KIAA1614: variants seen among roughly 807,000 people sequenced by gnomAD.
KIAA1614 encodes uncharacterized protein KIAA1614.
A neutral mutation model predicts 88.7 loss-of-function variants in KIAA1614; 76 were observed. That is an observed-to-expected ratio of 0.86 (90% confidence interval 0.71 to 1.04). The LOEUF (loss-of-function observed/expected upper bound fraction) is 1.04. KIAA1614 is among the 50% of genes least tolerant of loss of function. KIAA1614 has a pLI of 0.00. For synonymous variants in KIAA1614, 714 were observed against 675.5 expected (o/e 1.06, Z -0.88); for missense variants, 1,553 against 1,582.5 (o/e 0.98, Z 0.32).
chr1:180,942,818 G>C (rs1184626983), intron 7 of KIAA1614, among the ~76,000 whole-genome samples: 1 of 152,186 alleles, frequency 6.6e-6, no homozygotes, highest in Non-Finnish European at 1.5e-5. Context: ...GAGATAGGAA[G>C]TCGACTGGGC....
Position 180,916,384 on chromosome 1 carries a change from T to C in KIAA1614, c.281T>C (p.Met94Thr), listed in dbSNP as rs760082566. Residue 94 changes from methionine (M) to threonine (T), a missense_variant, in exon 2 of 9, where the codon ATG becomes ACG. By Grantham distance (81) the Met-to-Thr change is moderately conservative (BLOSUM62 -1). Transcript: ENST00000367588. ...ESKVRALKEK[M>T]TVAKQGVSPC... is the part of the protein sequence containing the mutation. ...AAGGTGAGGGCTTTGAAGGAGAAGA[T>C]GACAGTGGCCAAACAGGGAGTGAGT... 4 of 1,614,022 alleles carry C rather than the reference T, an allele frequency of 2.5e-6. No individual in the cohort carries two copies. Among genetic ancestry groups the C allele is most frequent in the Non-Finnish European group, 3.4e-6 (4 of 1,180,024 alleles).
rs943218655 is a variant in KIAA1614, at chr1:180,916,829, C to A, written c.726C>A (p.Tyr242Ter). ...HIPSPRTGRS[Y>*]PFPDGVVTEA... ...CCAGCCCAAGGACAGGAAGGTCCTACCCTTTTCCAGATGGCGTGGTGACAG... is the reference window on the plus strand; with the variant it reads ...CCAGCCCAAGGACAGGAAGGTCCTAACCTTTTCCAGATGGCGTGGTGACAG... Residue 242 changes from tyrosine to a stop codon, truncating the protein, a stop_gained, in exon 2 of 9, where the codon TAC becomes TAA. Coordinates refer to ENST00000367588, the MANE Select transcript of KIAA1614 (RefSeq NM_020950.2). LOFTEE classifies it high-confidence loss of function. The A allele has an allele frequency of 6.2e-7, 1 of 1,614,118 alleles. No individual in the cohort carries two copies.
At chr1:180,940,836 C>G (rs1029010617) in intron 6 of KIAA1614, among the ~76,000 whole-genome samples, 1 of 152,032 alleles carries the variant, frequency 6.6e-6, no homozygotes, top group Non-Finnish European at 1.5e-5. Context: ...CTCCATCTCC[C>G]GAGTAGCTGG....
chr1:180,922,944 G>A (rs1438443999), intron 3 of KIAA1614, among the ~76,000 whole-genome samples: 1 of 152,204 alleles, frequency 6.6e-6, no homozygotes, highest in Non-Finnish European at 1.5e-5. Flanking sequence ...CTATAAATCG[G>A]GGTTCCCACT....
At chr1:180,930,395 G>A (rs1418694496) in intron 4 of KIAA1614, among the ~76,000 whole-genome samples, 2 of 151,956 alleles carry the variant, frequency 1.3e-5, no homozygotes, top group African/African-American at 4.8e-5. Context: ...CTCCAGCCTG[G>A]GCGACAGAGC....
At chr1:180,927,346 CA>C (rs1434308869) in intron 3 of KIAA1614, among the ~76,000 whole-genome samples, 3 of 152,216 alleles carry the variant, frequency 2.0e-5, no homozygotes, top group Non-Finnish European at 4.4e-5. Context: ...CCCCCAGCCA[CA>C]AACATCCTCT....
chr1:180,944,129 G>A (rs1399419673), intron 7 of KIAA1614: 4 of 243,442 alleles, frequency 1.6e-5, no homozygotes, highest in Non-Finnish European at 3.2e-5. Context: ...CTTAATCAAT[G>A]AGGAAATTAG....
chr1:180,941,423 TC>T, intron 7 of KIAA1614, 138 bp downstream of exon 7: 1 of 1,064,832 alleles, frequency 9.4e-7, no homozygotes, highest in Non-Finnish European at 1.3e-6. Context: ...GCTGCTGGCA[TC>T]CCCATGGTTG....
At position 180,916,807 on chromosome 1, in the gene KIAA1614, G is replaced by A; in HGVS notation, c.704G>A (p.Ser235Asn). The A allele has an allele frequency of 6.2e-7, 1 of 1,614,222 alleles. No individual in the cohort carries two copies. The highest frequency in any genetic ancestry group is 2.2e-5 in the East Asian group (1 of 44,886). Residue 235 changes from serine to asparagine, a missense_variant, in exon 2 of 9, where the codon AGC becomes AAC. Coordinates refer to ENST00000367588, the MANE Select transcript of KIAA1614 (RefSeq NM_020950.2). Reference protein sequence around the residue: ...GHCNKIIHIPSPRTGRSYPFP... With the variant: ...GHCNKIIHIPNPRTGRSYPFP... ...TGTAACAAAATCATCCACATTCCCA[G>A]CCCAAGGACAGGAAGGTCCTACCCT...
intron 3 of KIAA1614, among the ~76,000 whole-genome samples, chr1:180,924,343 G>A (rs575081017): frequency 1.3e-5 from 2 of 152,344 alleles, no homozygotes; most frequent in African/African-American, 4.8e-5. Flanking sequence ...TGGCCACCCA[G>A]GTCCCACACC....
In KIAA1614 at chr1:180,950,270, G is replaced by A. The variant is rs1654702719; in HGVS notation, c.*4682G>A. The A allele has an allele frequency of 1.9e-6, 2 of 1,058,778 alleles. No homozygotes were observed. Among genetic ancestry groups the A allele is most frequent in the African/African-American group, 1.7e-5 (1 of 57,822 alleles). The allele number at this position is 1,058,778 out of a possible 1,614,324, so 65.6% of individuals were successfully genotyped here. ...CACACAAACAGCACCTCATCAACAT[G>A]GTCAGCATTCCAGAGATGCACTTCT... is the stretch of plus-strand genomic sequence containing the variant. On this transcript the variant is annotated 3_prime_UTR_variant, in exon 9 of 9. Transcript: ENST00000367588.
At chr1:180,936,766 C>A in intron 5 of KIAA1614, 96 bp downstream of exon 5, 1 of 791,950 alleles carries the variant, frequency 1.3e-6, no homozygotes, top group South Asian at 2.1e-5. Flanking sequence ...CCTTCAGAGT[C>A]ATTCCCTTTT....
chr1:180,916,979 C>G lies in KIAA1614; in HGVS notation c.876C>G (p.Ser292=). Residue 292 remains serine, a synonymous_variant, in exon 2 of 9, where the codon TCC becomes TCG. Coordinates refer to ENST00000367588, the MANE Select transcript of KIAA1614 (RefSeq NM_020950.2). ...TGGGCGCTGGGAGCAGTGTCTTGTC[C>G]CTGTCTGATCGGGTGGAGAGAAACC... ...EALGAGSSVL[S]LSDRVERNRL... is the part of the protein sequence containing the mutation. 1.2e-6 allele frequency: 2 copies of G among 1,614,136 alleles called. No homozygotes were observed. The highest frequency in any genetic ancestry group is 1.6e-4 in the Middle Eastern group (1 of 6,062).
chr1:180,936,440 G>A lies in KIAA1614; in HGVS notation c.2531G>A (p.Arg844Gln), dbSNP rs775048020. 17 of 1,613,986 alleles carry A rather than the reference G, an allele frequency of 1.1e-5. No homozygotes were observed. The highest frequency in any genetic ancestry group is 2.2e-5 in the East Asian group (1 of 44,894). ...CAGACAGAGCCTGTGGGTATCCCTC[G>A]GCCTCCTTCAAGAAGCGCGGTTCTC... The part of the protein sequence containing the change: ...GDQTEPVGIP[R>Q]PPSRSAVLRT... Residue 844 changes from arginine (R) to glutamine (Q), a missense_variant, in exon 5 of 9, where the codon CGG becomes CAG. Coordinates refer to ENST00000367588, the MANE Select transcript of KIAA1614 (RefSeq NM_020950.2).
chr1:180,917,172 G>C, intron 2 of KIAA1614, 72 bp downstream of exon 2: 1 of 1,240,522 alleles, frequency 8.1e-7, no homozygotes, highest in Non-Finnish European at 1.1e-6. Flanking sequence ...AAGGGGACGA[G>C]GGGGTCCCAC....
chr1:180,945,728 T>C lies in KIAA1614; in HGVS notation c.*140T>C, dbSNP rs1558074228. On this transcript the variant is annotated 3_prime_UTR_variant, in exon 9 of 9. Transcript: ENST00000367588. ...TGCCCTAGGCAACTGCAGCTGAGAG[T>C]GCGTTGGTGGGGAGTGTGCGGGAGG... is the stretch of plus-strand genomic sequence containing the variant. 1 of 1,394,748 alleles carries C rather than the reference T, an allele frequency of 7.2e-7. No homozygotes were observed. The highest frequency in any genetic ancestry group is 9.2e-7 in the Non-Finnish European group (1 of 1,085,354). 86.4% of individuals were successfully genotyped at this position (1,394,748 alleles called of 1,614,324 possible).
chr1:180,925,074 G>A (rs960896850), intron 3 of KIAA1614, among the ~76,000 whole-genome samples: 3 of 151,854 alleles, frequency 2.0e-5, no homozygotes, highest in African/African-American at 4.8e-5. Flanking sequence ...GGAAGTGGCT[G>A]TCCAGGGATT....
At chr1:180,916,091 C>G (rs982773933) in intron 1 of KIAA1614, 63 bp from the exon 2 acceptor site, 4 of 1,347,520 alleles carry the variant, frequency 3.0e-6, no homozygotes, top group Non-Finnish European at 4.0e-6. Context: ...TTTGGGGCCC[C>G]GGGAGGTTGT....
chr1:180,932,084 G>A (rs1654210120), intron 4 of KIAA1614, among the ~76,000 whole-genome samples: 1 of 152,174 alleles, frequency 6.6e-6, no homozygotes, highest in African/African-American at 2.4e-5. Flanking sequence ...AGCTGACCTA[G>A]ATACAAGTAC....
Sources: allele counts gnomAD v4.1 joint callset (sites outside exome capture counted in the v4.1 genomes callset), GRCh38; gene constraint gnomAD v4.1.1; transcripts MANE v1.5; gene names NCBI Gene and HGNC (gene_info 2026-07-23, HGNC 2026-07-21).